MRC1: variants seen among roughly 807,000 people sequenced by gnomAD.
MRC1 encodes macrophage mannose receptor 1.
MRC1 carries 62 observed loss-of-function variants against 102.9 expected under a neutral mutation model. The ratio of observed to expected loss-of-function variants is 0.60; its 90% CI spans 0.49 to 0.74. The LOEUF (loss-of-function observed/expected upper bound fraction) is 0.74, where lower values mean the gene tolerates loss of function less well. Among genes scored for constraint, MRC1 ranks in the 30% least tolerant of loss-of-function variants. The pLI, the probability that MRC1 is intolerant of heterozygous loss-of-function variation, is 0.00. For synonymous variants in MRC1, 457 were observed against 298.4 expected, an observed-to-expected ratio of 1.53 and a Z score of -5.48; for missense variants, 1,237 against 862.8, an observed-to-expected ratio of 1.43 and a Z score of -5.43.
chr10:17,859,102 T>C (rs1833141118), intron 9 of MRC1, among the ~76,000 whole-genome samples: 1 of 152,262 alleles, frequency 6.6e-6, no homozygotes, highest in African/African-American at 2.4e-5. Context: ...ATTGAGTTTT[T>C]AACTTCATTG....
intron 9 of MRC1, among the ~76,000 whole-genome samples, 197 bp from the exon 10 acceptor site, chr10:17,861,190 G>T (rs1833179488): frequency 6.6e-6 from 1 of 152,150 alleles, no homozygotes; most frequent in Non-Finnish European, 1.5e-5. Context: ...GCACGTGCCT[G>T]TAATTCCAGC....
chr10:17,810,012 C>A (rs1554837334), intron 1 of MRC1, among the ~76,000 whole-genome samples: 1 of 152,126 alleles, frequency 6.6e-6, no homozygotes, highest in African/African-American at 2.4e-5. Flanking sequence ...AGATTCTAAG[C>A]AATTTCCATA....
At chr10:17,899,765 G>A (rs1336288928) in intron 24 of MRC1, among the ~76,000 whole-genome samples, 1 of 151,954 alleles carries the variant, frequency 6.6e-6, no homozygotes, top group Non-Finnish European at 1.5e-5. Flanking sequence ...TCAATATTTT[G>A]TATGTGATCA....
chr10:17,885,604 A>G (rs1162023451), intron 22 of MRC1, among the ~76,000 whole-genome samples, 169 bp downstream of exon 22: 4 of 152,124 alleles, frequency 2.6e-5, no homozygotes, highest in Non-Finnish European at 5.9e-5. Context: ...AGGGAGTATA[A>G]ATTCAGTTAA....
At chr10:17,862,753 C>T (rs1359238164) in intron 10 of MRC1, 2 of 152,166 alleles carry the variant, frequency 1.3e-5, no homozygotes, top group East Asian at 3.9e-4. Context: ...TCTCTTCCTG[C>T]TCTCTCTGAA....
intron 25 of MRC1, 35 bp downstream of exon 25, chr10:17,900,988 A>G (rs1246725518): frequency 1.3e-6 from 1 of 772,360 alleles, no homozygotes. Flanking sequence ...AGGGGATCTG[A>G]AAATTTCTGA....
rs376041556 is a variant in MRC1, at chr10:17,833,718, C to T, written c.681C>T (p.Ser227=). The T allele has an allele frequency of 3.6e-5, 28 of 780,906 alleles. No individual in the cohort carries two copies. The highest frequency in any genetic ancestry group is 2.4e-4 in the African/African-American group (14 of 59,118). 48.4% of individuals were successfully genotyped at this position (780,906 alleles called of 1,614,324 possible). Residue 227 remains serine, a synonymous_variant, in exon 4 of 30, where the codon AGC becomes AGT. Transcript: ENST00000569591. ...TATGGAATAAAGACCCGCTGACCAG[C>T]GTTTCCTACCAGATAAACTCCAAAT... The part of the protein sequence containing the change: ...ESLWNKDPLT[S]VSYQINSKSA...
At chr10:17,887,214 C>G (rs1343341064) in intron 22 of MRC1, among the ~76,000 whole-genome samples, 1 of 152,106 alleles carries the variant, frequency 6.6e-6, no homozygotes, top group African/African-American at 2.4e-5. Context: ...AGGGAGAAAC[C>G]CCGTCTCTAC....
intron 8 of MRC1, 68 bp from the exon 9 acceptor site, chr10:17,856,174 A>C: frequency 1.6e-6 from 1 of 641,148 alleles, no homozygotes. Flanking sequence ...TGTCTCAAAA[A>C]AAAAAAAAAA....
chr10:17,825,927 T>C (rs1330938107), intron 2 of MRC1, among the ~76,000 whole-genome samples: 1 of 152,156 alleles, frequency 6.6e-6, no homozygotes, highest in Non-Finnish European at 1.5e-5. Context: ...CCTAATACAA[T>C]ATATGATTTG....
intron 2 of MRC1, among the ~76,000 whole-genome samples, chr10:17,823,898 C>T (rs2130592746): frequency 6.6e-6 from 1 of 152,268 alleles, no homozygotes; most frequent in Admixed American, 6.5e-5. Flanking sequence ...AACATTCTTT[C>T]CCAATTTAGA....
At chr10:17,826,360 G>A (rs1838475679) in intron 2 of MRC1, among the ~76,000 whole-genome samples, 1 of 152,082 alleles carries the variant, frequency 6.6e-6, no homozygotes, top group Non-Finnish European at 1.5e-5. Context: ...CTGCCACCAT[G>A]CCCAGCTAGT....
intron 5 of MRC1, among the ~76,000 whole-genome samples, chr10:17,842,334 T>C (rs1456091828): frequency 6.6e-6 from 1 of 152,230 alleles, no homozygotes; most frequent in Non-Finnish European, 1.5e-5. Flanking sequence ...ATATTTCAAA[T>C]AGATGCTAAA....
At chr10:17,819,596 G>A (rs1003738367) in intron 1 of MRC1, among the ~76,000 whole-genome samples, 1 of 152,022 alleles carries the variant, frequency 6.6e-6, no homozygotes, top group East Asian at 1.9e-4. Flanking sequence ...ACCTGCAGGG[G>A]TAGAGGAGTA....
chr10:17,876,081 C>T (rs1335061557), intron 17 of MRC1, among the ~76,000 whole-genome samples: 1 of 152,066 alleles, frequency 6.6e-6, no homozygotes, highest in Admixed American at 6.5e-5. Context: ...ATGTGATAAA[C>T]AAAGTGTCTA....
At chr10:17,900,394 T>C (rs1178053316) in intron 24 of MRC1, among the ~76,000 whole-genome samples, 1 of 152,100 alleles carries the variant, frequency 6.6e-6, no homozygotes, top group Non-Finnish European at 1.5e-5. Flanking sequence ...TCCATGAATT[T>C]AATGAAAATT....
intron 1 of MRC1, among the ~76,000 whole-genome samples, chr10:17,819,449 TTGTATGTGTGTGTGTG>T (rs1281550612): frequency 1.0e-5 from 1 of 98,968 alleles, no homozygotes; most frequent in African/African-American, 4.6e-5. Flanking sequence ...GAATTCAGAG[TTGTATGTGTGTGTGTG>T]TGTGTGTGTG....
chr10:17,821,519 G>GT lies in MRC1; in HGVS notation c.62-1546dup, dbSNP rs1240850292. ...GCTATAAAGGTTTTGTTTTTTGTTT[G>GT]TTTTTTTTTAAAGATGAGATGATCA... is the stretch of plus-strand genomic sequence containing the variant. On this transcript the variant is annotated intron_variant, in intron 1 of 29. Transcript: ENST00000569591. Among the ~76,000 whole-genome samples, 371 of 145,650 alleles carry GT rather than the reference G, an allele frequency of 2.5e-3. 1 individual carries two copies. The highest frequency in any genetic ancestry group is 8.2e-3 in the African/African-American group (334 of 40,836).
intron 9 of MRC1, 35 bp downstream of exon 9, chr10:17,856,387 G>A (rs976970679): frequency 1.8e-5 from 15 of 821,714 alleles, no homozygotes; most frequent in Non-Finnish European, 2.9e-5. Context: ...CTTAAGCTGA[G>A]CACGTATGAG....
Sources: gnomAD v4.1 joint callset for allele counts (sites outside exome capture counted in the v4.1 genomes callset) on GRCh38, gnomAD v4.1.1 for gene constraint, MANE v1.5 for transcripts, NCBI Gene and HGNC (gene_info 2026-07-23, HGNC 2026-07-21) for gene names.